CDC42BPA: variants seen among roughly 807,000 people sequenced by gnomAD.
CDC42BPA encodes serine/threonine-protein kinase MRCK alpha.
In CDC42BPA, 80 loss-of-function variants were observed where a neutral mutation model predicts 223.5. That is an observed-to-expected ratio of 0.36 (90% CI 0.30 to 0.43). The LOEUF is 0.43. CDC42BPA is among the 20% of genes least tolerant of loss of function. The probability of loss-of-function intolerance (pLI) is 1.00; values close to 1 mark genes in which losing one functional copy is unlikely to be tolerated. For synonymous variants in CDC42BPA, 694 were observed against 718.6 expected, an observed-to-expected ratio of 0.97 and a Z score of 0.55; for missense variants, 1,743 against 2,099.9, an observed-to-expected ratio of 0.83 and a Z score of 3.32.
At chr1:227,100,096 A>C (rs1684739267) in intron 15 of CDC42BPA, among the ~76,000 whole-genome samples, 1 of 152,190 alleles carries the variant, frequency 6.6e-6, no homozygotes, top group Admixed American at 6.5e-5. Flanking sequence ...CAGTTGCCTG[A>C]AATCTAGAAA....
intron 1 of CDC42BPA, among the ~76,000 whole-genome samples, chr1:227,259,258 G>A (rs1683633063): frequency 6.6e-6 from 1 of 150,784 alleles, no homozygotes; most frequent in Non-Finnish European, 1.5e-5. Context: ...CTAAGCTGGG[G>A]GACAAGTAAT....
chr1:227,142,949 T>A lies in CDC42BPA; in HGVS notation c.1219A>T (p.Ser407Cys). ...ATGTTAACTTTTCAAACTTACCAGC[T>A]ACTAGTATATGTAAAACCAACAAAT... ...LPFVGFTYTSSCVLSDRSCLR... is the reference protein window; with the variant it reads ...LPFVGFTYTSCCVLSDRSCLR... Residue 407 changes from serine (S) to cysteine (C), a missense_variant, in exon 9 of 37, where the codon AGC becomes TGC. Ser to Cys is a moderately radical substitution (Grantham distance 112, BLOSUM62 -1). This residue lies in a region of CDC42BPA where 464 missense variants were observed against 488.0 expected (regional missense o/e 0.95). Coordinates refer to ENST00000366766, the MANE Select transcript of CDC42BPA (RefSeq NM_001394014.1). The A allele has an allele frequency of 6.4e-7, 1 of 1,554,166 alleles. No homozygotes were observed. The highest frequency in any genetic ancestry group is 8.6e-7 in the Non-Finnish European group (1 of 1,156,122).
At chr1:227,302,086 G>A (rs1691733785) in intron 1 of CDC42BPA, among the ~76,000 whole-genome samples, 1 of 152,050 alleles carries the variant, frequency 6.6e-6, no homozygotes, top group South Asian at 2.1e-4. Context: ...TCTATGCTTG[G>A]TGCAAAGTTG....
chr1:227,163,005 T>C (rs540387056), intron 5 of CDC42BPA, among the ~76,000 whole-genome samples: 1,363 of 64,172 alleles, frequency 0.021, 24 homozygotes, highest in African/African-American at 0.068. Context: ...CATGTGTATG[T>C]TTCCAAACGT....
At chr1:227,072,347 G>C (rs973628056) in intron 19 of CDC42BPA, 48 bp from the exon 20 acceptor site, 6 of 1,108,920 alleles carry the variant, frequency 5.4e-6, no homozygotes, top group Admixed American at 3.6e-5. Context: ...TTTATTGCTG[G>C]TTAGTGAGCC....
At chr1:227,059,950 A>G (rs1278732502) in intron 21 of CDC42BPA, among the ~76,000 whole-genome samples, 1 of 152,138 alleles carries the variant, frequency 6.6e-6, no homozygotes, top group African/African-American at 2.4e-5. Flanking sequence ...CATAGTCAAA[A>G]GAGGGACTTT....
intron 5 of CDC42BPA, among the ~76,000 whole-genome samples, chr1:227,186,287 G>C (rs1301799941): frequency 6.6e-6 from 1 of 152,186 alleles, no homozygotes; most frequent in East Asian, 1.9e-4. Context: ...TTCCAACAGA[G>C]GGAGGAGAAA....
chr1:227,174,154 G>A (rs1666559936), intron 5 of CDC42BPA, among the ~76,000 whole-genome samples: 1 of 151,820 alleles, frequency 6.6e-6, no homozygotes, highest in Admixed American at 6.6e-5. Context: ...CTTTATGATG[G>A]GCTTACTGGA....
At chr1:227,140,599 C>G (rs1022558673) in intron 9 of CDC42BPA, among the ~76,000 whole-genome samples, 2 of 151,942 alleles carry the variant, frequency 1.3e-5, no homozygotes, top group African/African-American at 4.8e-5. Flanking sequence ...AAAATAAACT[C>G]AGAAAGATAA....
At chr1:227,047,374 A>G (rs1672660938) in intron 23 of CDC42BPA, among the ~76,000 whole-genome samples, 1 of 151,798 alleles carries the variant, frequency 6.6e-6, no homozygotes, top group African/African-American at 2.4e-5. Flanking sequence ...TATTTTTTGT[A>G]TATTTTTTCA....
intron 34 of CDC42BPA, among the ~76,000 whole-genome samples, chr1:227,013,361 C>T (rs946209344): frequency 2.0e-5 from 3 of 150,734 alleles, no homozygotes; most frequent in Non-Finnish European, 3.0e-5. Context: ...TTATTTTGAA[C>T]AAAAAATAAG....
At chr1:227,138,172 G>A (rs1658984903) in intron 10 of CDC42BPA, among the ~76,000 whole-genome samples, 1 of 152,036 alleles carries the variant, frequency 6.6e-6, no homozygotes, top group Non-Finnish European at 1.5e-5. Flanking sequence ...AAGTATGACA[G>A]TAAAGTTTTG....
rs190473033 is a variant in CDC42BPA, at chr1:227,258,571, T to C, written c.179-4416A>G. Among the ~76,000 whole-genome samples the C allele has an allele frequency of 4.6e-4, 69 of 151,182 alleles. No individual in the cohort carries two copies. The East Asian group carries it at 0.013, about 28-fold the overall frequency. On this transcript the variant is annotated intron_variant, in intron 1 of 36. Coordinates refer to ENST00000366766, the MANE Select transcript of CDC42BPA (RefSeq NM_001394014.1). ...ATACAAATCATTACTGAGCACTCCA[T>C]TCATAATGTCTGGGATAATTTAAAA...
chr1:227,183,469 T>C (rs1668274549), intron 5 of CDC42BPA: 1 of 152,246 alleles, frequency 6.6e-6, no homozygotes, highest in Admixed American at 6.5e-5. Flanking sequence ...TGAGATTTAA[T>C]TCTTCTCACA....
intron 5 of CDC42BPA, among the ~76,000 whole-genome samples, chr1:227,174,168 T>C (rs116405354): frequency 0.01 from 1,573 of 152,280 alleles, 32 homozygotes; most frequent in African/African-American, 0.035. Context: ...TACTGGAACA[T>C]AGCCCACTGT....
chr1:227,031,380 T>C lies in CDC42BPA; in HGVS notation c.3693A>G (p.Arg1231=). The C allele has an allele frequency of 6.2e-7, 1 of 1,614,174 alleles. No individual in the cohort carries two copies. Among genetic ancestry groups the C allele is most frequent in the Middle Eastern group, 1.6e-4 (1 of 6,062 alleles). ...CTTTGGGAACATAGACTGAGCGGTC[T>C]CTGAATTTGTTTTTCTTCAAAATCT... is the stretch of plus-strand genomic sequence containing the variant. ...LHKILKKNKF[R]DRSVYVPKEA... The change falls in exon 28 of 37, where the codon AGA becomes AGG. Residue 1231 remains arginine, a synonymous_variant. Coordinates refer to ENST00000366766, the MANE Select transcript of CDC42BPA (RefSeq NM_001394014.1).
chr1:227,220,311 TACACACACACACACAC>T (rs58845901), intron 2 of CDC42BPA, among the ~76,000 whole-genome samples: 17 of 49,460 alleles, frequency 3.4e-4, no homozygotes, highest in East Asian at 6.5e-4. Flanking sequence ...TATATATATA[TACACACACACACACAC>T]ATACATATAT....
intron 5 of CDC42BPA, among the ~76,000 whole-genome samples, chr1:227,161,781 C>T (rs1205260015): frequency 1.3e-5 from 2 of 152,166 alleles, no homozygotes; most frequent in Admixed American, 1.3e-4. Context: ...ACCACATGGC[C>T]TACAAAGCCT....
chr1:227,297,967 T>TACACACACACACACAC lies in CDC42BPA; in HGVS notation c.178+19037_178+19038insGTGTGTGTGTGTGTGT, dbSNP rs1553440423. ...GTGTGTGTGTGTGTATATATACATA[T>TACACACACACACACAC]ACACACACACACACATATATACATA... On this transcript the variant is annotated intron_variant, in intron 1 of 36. Transcript: ENST00000366766. 1.2e-3 allele frequency among the ~76,000 whole-genome samples: 165 copies of TACACACACACACACAC among 132,072 alleles called. 5 individuals carry two copies. The highest frequency in any genetic ancestry group is 4.6e-3 in the African/African-American group (158 of 34,208). 86.6% of individuals were successfully genotyped at this position (132,072 alleles called of 152,430 possible).
Sources: allele counts gnomAD v4.1 joint callset (sites outside exome capture counted in the v4.1 genomes callset), GRCh38; gene constraint gnomAD v4.1.1; regional missense constraint gnomAD v4.1.1; transcripts MANE v1.5; gene names NCBI Gene and HGNC (gene_info 2026-07-23, HGNC 2026-07-21).